The following SHROOM4 variants were observed in gnomAD, a reference collection of about 807,000 sequenced individuals.
SHROOM4 encodes the protein shroom family member 4.
A neutral mutation model predicts 80.3 loss-of-function variants in SHROOM4; 17 were observed. That is an observed-to-expected ratio of 0.21 (90% CI 0.14 to 0.32). The LOEUF (loss-of-function observed/expected upper bound fraction) is 0.32, where lower values mean the gene tolerates loss of function less well. Among genes scored for constraint, SHROOM4 ranks in the 10% least tolerant of loss-of-function variants. The probability of loss-of-function intolerance (pLI) is 1.00; values close to 1 mark genes in which losing one functional copy is unlikely to be tolerated. For synonymous variants in SHROOM4, 400 were observed against 437.5 expected, an observed-to-expected ratio of 0.91 and a Z score of 1.07; for missense variants, 993 against 1,140.3, an observed-to-expected ratio of 0.87 and a Z score of 1.86.
In SHROOM4 at chrX:50,608,234, G is replaced by T. The variant is rs782632864; in HGVS notation, c.2958-50C>A. On this transcript the variant is annotated intron_variant, in intron 5 of 8. Transcript: ENST00000376020. The stretch of plus-strand genomic sequence containing the variant: ...AGAAAAACAAGCAAGTTGCAGATAG[G>T]CCCATATTTTGGATGACAACATTTA... 14 of 1,138,482 alleles carry T rather than the reference G, an allele frequency of 1.2e-5. No individual in the cohort carries two copies. The Admixed American group carries it at 3.1e-4, about 25-fold the overall frequency. The allele number at this position is 1,138,482 out of a possible 1,213,427, so 93.8% of individuals were successfully genotyped here.
intron 2 of SHROOM4, among the ~76,000 whole-genome samples, chrX:50,662,637 T>A (rs1255753547): frequency 8.9e-6 from 1 of 112,495 alleles, no homozygotes; most frequent in African/African-American, 3.2e-5. Context: ...GTATATCAGC[T>A]CATTTACTCA....
chrX:50,733,523 T>C (rs1934416539), intron 1 of SHROOM4, among the ~76,000 whole-genome samples: 1 of 111,811 alleles, frequency 8.9e-6, no homozygotes, highest in Non-Finnish European at 1.9e-5. Flanking sequence ...CACCATGGAA[T>C]GATACAGCAA....
At chrX:50,781,351 A>G (rs147450732) in intron 1 of SHROOM4, among the ~76,000 whole-genome samples, 94 of 110,040 alleles carry the variant, frequency 8.5e-4, no homozygotes, top group Non-Finnish European at 1.6e-3. Context: ...TAAGCTCCAT[A>G]TTACACTCAC....
intron 5 of SHROOM4, among the ~76,000 whole-genome samples, chrX:50,617,359 T>C (rs1930284456): frequency 9.0e-6 from 1 of 111,570 alleles, no homozygotes; most frequent in Non-Finnish European, 1.9e-5. Context: ...TGGACTGCAC[T>C]CCCTGATTAA....
At chrX:50,617,682 C>T (rs1347376938) in intron 5 of SHROOM4, among the ~76,000 whole-genome samples, 1 of 100,005 alleles carries the variant, frequency 1.0e-5, no homozygotes, top group Non-Finnish European at 2.0e-5. Flanking sequence ...AAAGAACATG[C>T]CCTTCTAGGG....
intron 2 of SHROOM4, among the ~76,000 whole-genome samples, chrX:50,694,543 ATTTTTTTTTTT>A (rs782530547): frequency 3.2e-4 from 4 of 12,493 alleles, no homozygotes; most frequent in Non-Finnish European, 3.8e-4. Context: ...TTTAAGTTGG[ATTTTTTTTTTT>A]TTTTTTTTTT....
chrX:50,700,237 T>C (rs1339561900), intron 1 of SHROOM4, among the ~76,000 whole-genome samples: 5 of 112,273 alleles, frequency 4.5e-5, no homozygotes, highest in Non-Finnish European at 9.4e-5. Flanking sequence ...TTTTTGCAAA[T>C]AGACAGAAAA....
intron 1 of SHROOM4, among the ~76,000 whole-genome samples, chrX:50,771,898 C>T (rs1236682743): frequency 8.9e-6 from 1 of 111,782 alleles, no homozygotes; most frequent in Non-Finnish European, 1.9e-5. Flanking sequence ...AAGTGTAATA[C>T]AGTGATACCA....
Position 50,772,765 on chromosome X carries a change from G to A in SHROOM4, c.117+41137C>T, listed in dbSNP as rs781830766. Among the ~76,000 whole-genome samples the A allele has an allele frequency of 8.1e-5, 9 of 111,645 alleles. No homozygotes were observed. The South Asian group carries it at 3.0e-3, about 37-fold the overall frequency. On this transcript the variant is annotated intron_variant, in intron 1 of 8. Coordinates refer to ENST00000376020, the MANE Select transcript of SHROOM4 (RefSeq NM_020717.5). ...AAGACAGTCTTTGTTTGATTCAAAC[G>A]TTTTCTTCCTCCATCCATCCATCCA... is the stretch of plus-strand genomic sequence containing the variant.
In SHROOM4 at chrX:50,633,350, A is replaced by G; in HGVS notation, c.2723T>C (p.Ile908Thr). 4 of 1,211,786 alleles carry G rather than the reference A, an allele frequency of 3.3e-6. No homozygotes were observed. Among genetic ancestry groups the G allele is most frequent in the Non-Finnish European group, 4.5e-6 (4 of 895,501 alleles). The change falls in exon 4 of 9, where the codon ATC (isoleucine) becomes ACC (threonine). Residue 908 changes from isoleucine to threonine, a missense_variant. Ile to Thr is a moderately conservative substitution (Grantham distance 89, BLOSUM62 -1). Coordinates refer to ENST00000376020, the MANE Select transcript of SHROOM4 (RefSeq NM_020717.5). ...ATTTCTCTTTAGCAAGGCAGGGCAG[A>G]TTTCCCCAGAACAATAAATGCAAGG... is the stretch of plus-strand genomic sequence containing the variant. ...HDPCIYCSGE[I>T]CPALLKRNMM...
At chrX:50,676,142 G>T (rs1318703718) in intron 2 of SHROOM4, among the ~76,000 whole-genome samples, 1 of 111,556 alleles carries the variant, frequency 9.0e-6, no homozygotes, top group Admixed American at 9.5e-5. Context: ...ATACCCTATT[G>T]TGTGTATCAT....
At position 50,590,471 on chromosome X, in the gene SHROOM4, C is replaced by G. The variant is rs1386574165; in HGVS notation, c.*6224G>C. Among the ~76,000 whole-genome samples the G allele has an allele frequency of 9.0e-6, 1 of 110,853 alleles. No individual in the cohort carries two copies. The highest frequency in any genetic ancestry group is 1.9e-5 in the Non-Finnish European group (1 of 52,886). ...TTCACCGTGTTAGCCAGGATGGTTG[C>G]GATCTCCTGACCTCCTGATCCGCCC... On this transcript the variant is annotated 3_prime_UTR_variant, in exon 9 of 9. Coordinates refer to ENST00000376020, the MANE Select transcript of SHROOM4 (RefSeq NM_020717.5).
rs371469195 is a variant in SHROOM4 at position 50,633,734 on chromosome X, C to T, written c.2339G>A (p.Ser780Asn). ...ATGAGATGTAGATAAGGATTTGCTA[C>T]TCTCTTCAAAGAACTTTCTTCTGTC... ...FADRRKFFEE[S>N]SKSLSTSHLP... Residue 780 changes from serine to asparagine, a missense_variant, in exon 4 of 9, where the codon AGT becomes AAT. Transcript: ENST00000376020. 71 of 1,210,565 alleles carry T rather than the reference C, an allele frequency of 5.9e-5. No homozygotes were observed. The highest frequency in any genetic ancestry group is 5.6e-4 in the East Asian group (19 of 33,795).
At chrX:50,742,885 T>C (rs1934694239) in intron 1 of SHROOM4, among the ~76,000 whole-genome samples, 1 of 112,277 alleles carries the variant, frequency 8.9e-6, no homozygotes, top group Admixed American at 9.4e-5. Flanking sequence ...GAGGACAGAG[T>C]AGTAACATAA....
Position 50,635,368 on chromosome X carries a change from C to A in SHROOM4, c.705G>T (p.Glu235Asp). Residue 235 changes from glutamate to aspartate, a missense_variant, in exon 4 of 9, where the codon GAG becomes GAT. Glu to Asp is a conservative substitution (Grantham distance 45, BLOSUM62 2). Coordinates refer to ENST00000376020, the MANE Select transcript of SHROOM4 (RefSeq NM_020717.5). ...TGGTGCGCCGACTACCTCCTGAGGT[C>A]TCAGCCACATTAGGCCGGCCACTGG... is the stretch of plus-strand genomic sequence containing the variant. Reference protein sequence around the residue: ...KAPSGRPNVAETSGGSRRTNG... With the variant: ...KAPSGRPNVADTSGGSRRTNG... 1 of 1,205,511 alleles carries A rather than the reference C, an allele frequency of 8.3e-7. No individual in the cohort carries two copies. The highest frequency in any genetic ancestry group is 3.0e-5 in the East Asian group (1 of 33,571).
chrX:50,747,963 T>C (rs1934812560), intron 1 of SHROOM4, among the ~76,000 whole-genome samples: 1 of 111,878 alleles, frequency 8.9e-6, no homozygotes, highest in Non-Finnish European at 1.9e-5. Flanking sequence ...AGAGGTTAAA[T>C]GAATTGAACG....
At chrX:50,637,767 A>C (rs1244949666) in intron 3 of SHROOM4, among the ~76,000 whole-genome samples, 1 of 112,199 alleles carries the variant, frequency 8.9e-6, no homozygotes, top group Non-Finnish European at 1.9e-5. Context: ...TGACAGAGGT[A>C]ATAAAGACCA....
chrX:50,583,619 G>A (rs1469643845), downstream of SHROOM4, among the ~76,000 whole-genome samples: 1 of 111,814 alleles, frequency 8.9e-6, no homozygotes, highest in African/African-American at 3.3e-5. Context: ...CTGTGGCAAG[G>A]CTTCTAGGAA....
intron 5 of SHROOM4, among the ~76,000 whole-genome samples, chrX:50,626,791 A>G (rs1449862300): frequency 1.8e-5 from 2 of 111,826 alleles, no homozygotes; most frequent in Admixed American, 1.9e-4. Context: ...GTAATTTATT[A>G]TTATTGCCAT....
Sources: gnomAD v4.1 joint callset for allele counts (sites outside exome capture counted in the v4.1 genomes callset) on GRCh38, gnomAD v4.1.1 for gene constraint, MANE v1.5 for transcripts, NCBI Gene and HGNC (gene_info 2026-07-23, HGNC 2026-07-21) for gene names.